PRIM2: variants seen among roughly 807,000 people sequenced by gnomAD.
PRIM2 encodes the protein DNA primase subunit 2, also known as DNA primase large subunit.
A neutral mutation model predicts 67.3 loss-of-function variants in PRIM2; 39 were observed. The ratio of observed to expected loss-of-function variants is 0.58; its 90% confidence interval spans 0.45 to 0.76. The LOEUF is 0.76. Ranked by LOEUF, PRIM2 falls within the 30% of genes least tolerant of loss-of-function variation. The pLI, the probability that PRIM2 is intolerant of heterozygous loss-of-function variation, is 0.00. For missense variants in PRIM2, 398 were observed against 598.7 expected, an observed-to-expected ratio of 0.66 and a Z score of 3.50; for synonymous variants, 143 against 198.7, an observed-to-expected ratio of 0.72 and a Z score of 2.36.
At chr6:57,355,116 C>T (rs1350412607) in intron 5 of PRIM2, among the ~76,000 whole-genome samples, 1 of 152,402 alleles carries the variant, frequency 6.6e-6, no homozygotes, top group Non-Finnish European at 1.5e-5. Context: ...CCAGCCTTAA[C>T]AGCATGGTGA....
intron 12 of PRIM2, among the ~76,000 whole-genome samples, chr6:57,616,096 A>G (rs1220213494): frequency 6.6e-6 from 1 of 152,162 alleles, no homozygotes; most frequent in East Asian, 1.9e-4. Flanking sequence ...TCTGAATGCT[A>G]TTACTCCTTA....
At chr6:57,281,017 G>C in the PRIM2 span, among the ~76,000 whole-genome samples, 12 of 152,048 alleles carry the variant, frequency 7.9e-5, no homozygotes, top group Non-Finnish European at 1.3e-4. Flanking sequence ...TTTAGCTCCT[G>C]CATATGAGTG....
At chr6:57,530,653 C>A (rs1372852588) in intron 8 of PRIM2, among the ~76,000 whole-genome samples, 2 of 151,774 alleles carry the variant, frequency 1.3e-5, no homozygotes, top group African/African-American at 2.4e-5. Flanking sequence ...CAGAGTAATT[C>A]TCAGGTCCTT....
chr6:57,288,329 G>A, the PRIM2 span, among the ~76,000 whole-genome samples: 219 of 152,310 alleles, frequency 1.4e-3, 1 homozygote, highest in African/African-American at 5.1e-3. Flanking sequence ...GCTCAGCAAG[G>A]CCTACTGCCT....
chr6:57,363,820 T>C (rs897481825), intron 5 of PRIM2, among the ~76,000 whole-genome samples: 3 of 152,214 alleles, frequency 2.0e-5, no homozygotes, highest in Admixed American at 6.5e-5. Context: ...TGGAAAATTC[T>C]CAGCCATTAT....
chr6:57,487,083 G>A (rs1478497408), intron 7 of PRIM2, among the ~76,000 whole-genome samples: 2 of 152,146 alleles, frequency 1.3e-5, no homozygotes, highest in African/African-American at 4.8e-5. Context: ...CAATTTAAAA[G>A]ATCACTAGTC....
rs138340028 is a variant in PRIM2, at chr6:57,374,779, C to T, written c.460-5122C>T. On this transcript the variant is annotated intron_variant, in intron 5 of 13. Coordinates refer to ENST00000615550, the MANE Select transcript of PRIM2 (RefSeq NM_000947.5). ...CTAATTTTTGTATTTTTAGCAGAGA[C>T]GGGGTTTCGCCGTGTTGGGCAGTCA... Among the ~76,000 whole-genome samples, 22 of 152,124 alleles carry T rather than the reference C, an allele frequency of 1.4e-4. No homozygotes were observed. The East Asian group carries it at 2.7e-3, about 19-fold the overall frequency.
chr6:57,414,987 A>G (rs1771210967), intron 7 of PRIM2, among the ~76,000 whole-genome samples: 3 of 152,182 alleles, frequency 2.0e-5, no homozygotes, highest in African/African-American at 7.2e-5. Flanking sequence ...TATGTAAACA[A>G]ATGTTTCTGA....
intron 10 of PRIM2, 31 bp downstream of exon 10, chr6:57,537,656 C>T (rs1775028310): frequency 1.6e-6 from 2 of 1,279,068 alleles, no homozygotes; most frequent in East Asian, 2.6e-5. Context: ...CAGAGTGGTA[C>T]CTGATATTTT....
intron 7 of PRIM2, among the ~76,000 whole-genome samples, chr6:57,474,726 TG>T (rs1191912823): frequency 4.0e-5 from 6 of 151,892 alleles, no homozygotes; most frequent in Non-Finnish European, 5.9e-5. Flanking sequence ...CTTTAAGAGG[TG>T]ATTAAAGAGG....
intron 5 of PRIM2, among the ~76,000 whole-genome samples, chr6:57,331,808 G>A (rs777016652): frequency 1.3e-5 from 2 of 151,614 alleles, no homozygotes; most frequent in African/African-American, 2.4e-5. Flanking sequence ...TGTCATCTAG[G>A]TAGAGGTTTG....
intron 7 of PRIM2, among the ~76,000 whole-genome samples, chr6:57,453,298 G>A (rs1326050017): frequency 1.3e-5 from 2 of 152,218 alleles, no homozygotes; most frequent in South Asian, 4.2e-4. Context: ...TGAACTTTAA[G>A]GTAGTTTTTT....
intron 13 of PRIM2, among the ~76,000 whole-genome samples, chr6:57,637,938 C>G (rs1168342852): frequency 6.6e-6 from 1 of 152,118 alleles, no homozygotes; most frequent in Non-Finnish European, 1.5e-5. Context: ...AACCCCAAGA[C>G]ACATAATTGT....
chr6:57,298,181 G>A, the PRIM2 span, among the ~76,000 whole-genome samples: 35 of 152,006 alleles, frequency 2.3e-4, no homozygotes, highest in Admixed American at 3.9e-4. Context: ...CCAATGTGGC[G>A]AAACCCCGTC....
chr6:57,500,383 C>A (rs1360605289), intron 7 of PRIM2, among the ~76,000 whole-genome samples: 1 of 152,122 alleles, frequency 6.6e-6, no homozygotes, highest in Admixed American at 6.5e-5. Context: ...GTAGAACATT[C>A]GTGTATTTAC....
chr6:57,266,755 C>T, the PRIM2 span, among the ~76,000 whole-genome samples: 2 of 152,224 alleles, frequency 1.3e-5, no homozygotes, highest in Non-Finnish European at 2.9e-5. Context: ...CTTCTCTCTA[C>T]TTGCTAGTTC....
intron 7 of PRIM2, among the ~76,000 whole-genome samples, chr6:57,428,414 G>C (rs982320): frequency 1.3e-5 from 2 of 152,260 alleles, no homozygotes; most frequent in South Asian, 2.1e-4. Flanking sequence ...ATATATTCAA[G>C]GTAGATTATT....
intron 7 of PRIM2, among the ~76,000 whole-genome samples, chr6:57,453,836 G>A (rs1772649578): frequency 6.6e-6 from 1 of 152,120 alleles, no homozygotes; most frequent in South Asian, 2.1e-4. Context: ...GAATAGGAGT[G>A]GTGAGAGAGG....
At chr6:57,230,877 T>C in the PRIM2 span, among the ~76,000 whole-genome samples, 1 of 152,162 alleles carries the variant, frequency 6.6e-6, no homozygotes, top group East Asian at 1.9e-4. Flanking sequence ...GGTGTTCATG[T>C]CTCCACCACT....
Sources: allele counts gnomAD v4.1 joint callset (sites outside exome capture counted in the v4.1 genomes callset), GRCh38; gene constraint gnomAD v4.1.1; transcripts MANE v1.5; gene names NCBI Gene and HGNC (gene_info 2026-07-23, HGNC 2026-07-21).